ANKFN1: variants seen among roughly 807,000 people sequenced by gnomAD.
The protein encoded by ANKFN1 is ankyrin repeat and fibronectin type-III domain-containing protein 1.
ANKFN1 carries 74 observed loss-of-function variants against 108.7 expected under a neutral mutation model. The ratio of observed to expected loss-of-function variants is 0.68; its 90% CI spans 0.56 to 0.83. The LOEUF is 0.83. ANKFN1 is among the 40% of genes least tolerant of loss of function. ANKFN1 has a pLI of 0.00. For missense variants in ANKFN1, 1,505 were observed against 1,382.3 expected, an observed-to-expected ratio of 1.09 and a Z score of -1.41; for synonymous variants, 547 against 516.2, an observed-to-expected ratio of 1.06 and a Z score of -0.81.
chr17:56,436,442 C>T (rs183950996), intron 8 of ANKFN1, among the ~76,000 whole-genome samples: 7 of 152,268 alleles, frequency 4.6e-5, no homozygotes, highest in East Asian at 1.9e-4. Flanking sequence ...CCGGCTTATA[C>T]GTGATTTTCT....
At chr17:56,378,401 C>T (rs1240851268) in intron 8 of ANKFN1, among the ~76,000 whole-genome samples, 2 of 152,206 alleles carry the variant, frequency 1.3e-5, no homozygotes, top group Admixed American at 6.5e-5. Flanking sequence ...TCACAGAGCA[C>T]AGGTTCCCAT....
intron 4 of ANKFN1, among the ~76,000 whole-genome samples, chr17:56,047,354 G>GGGAAAGGGGA: frequency 6.6e-6 from 1 of 152,250 alleles, no homozygotes. Flanking sequence ...CCAAGAGAGG[G>GGGAAAGGGGA]GGAAAGGGGG....
At chr17:56,315,913 C>T (rs1460976364) in intron 3 of ANKFN1, among the ~76,000 whole-genome samples, 1 of 152,186 alleles carries the variant, frequency 6.6e-6, no homozygotes, top group East Asian at 1.9e-4. Flanking sequence ...AAAGATGAAT[C>T]AGTCAAGGCT....
At chr17:56,274,398 G>A (rs920115020) in intron 3 of ANKFN1, among the ~76,000 whole-genome samples, 7 of 152,102 alleles carry the variant, frequency 4.6e-5, no homozygotes, top group African/African-American at 1.7e-4. Flanking sequence ...GCGTGAACCC[G>A]GGAGGCGGAG....
chr17:56,364,190 C>T (rs2046599736), intron 6 of ANKFN1, among the ~76,000 whole-genome samples: 1 of 151,736 alleles, frequency 6.6e-6, no homozygotes, highest in Admixed American at 6.6e-5. Flanking sequence ...TACTTTGTAT[C>T]CCATAAATAC....
intron 3 of ANKFN1, among the ~76,000 whole-genome samples, chr17:56,322,361 G>A (rs1457465531): frequency 1.3e-5 from 2 of 151,654 alleles, no homozygotes; most frequent in African/African-American, 2.4e-5. Context: ...CATCTTCACG[G>A]GCCTTCACAC....
chr17:56,236,645 G>A lies in ANKFN1; in HGVS notation c.53+8688G>A, dbSNP rs559582159. ...ATCAGGTGGTCTGCAAACAAGGGTAGTTTGACTTCCTCTCCTCCTATTTGG... is the reference window on the plus strand; with the variant it reads ...ATCAGGTGGTCTGCAAACAAGGGTAATTTGACTTCCTCTCCTCCTATTTGG... On this transcript the variant is annotated intron_variant, in intron 3 of 20. Coordinates refer to ENST00000682825, the MANE Select transcript of ANKFN1 (RefSeq NM_001370326.1). Among the ~76,000 whole-genome samples the A allele has an allele frequency of 5.3e-5, 8 of 152,294 alleles. No homozygotes were observed. The South Asian group carries it at 1.5e-3, about 28-fold the overall frequency.
rs1239524503 is a variant in ANKFN1 at position 56,510,679 on chromosome 17, C to T, written c.2851C>T (p.Pro951Ser). The T allele has an allele frequency of 6.5e-7, 1 of 1,536,174 alleles. No homozygotes were observed. The highest frequency in any genetic ancestry group is 2.0e-5 in the Admixed American group (1 of 51,010). Reference sequence around the variant, plus strand: ...GCACGACGTGAAAACCCCTCTGGGGCCGGGCCAGGATCCCCAGGGCGAGGG... The same window carrying T: ...GCACGACGTGAAAACCCCTCTGGGGTCGGGCCAGGATCCCCAGGGCGAGGG... ...QVHDVKTPLG[P>S]GQDPQGEGPN... The change falls in exon 21 of 21, where the codon CCG becomes TCG. Residue 951 changes from proline to serine, a missense_variant. Transcript: ENST00000682825.
rs1406887360 is a variant in ANKFN1 at position 56,513,225 on chromosome 17, G to A, written c.*1956G>A. On this transcript the variant is annotated 3_prime_UTR_variant, in exon 21 of 21. Coordinates refer to ENST00000682825, the MANE Select transcript of ANKFN1 (RefSeq NM_001370326.1). ...TTACCTCTTGATTGTTATCTACAGG[G>A]AATCTCCTATTTTGTAGATCATCTA... 6.6e-6 allele frequency among the ~76,000 whole-genome samples: 1 copy of A among 152,142 alleles called. No homozygotes were observed. Among genetic ancestry groups the A allele is most frequent in the African/African-American group, 2.4e-5 (1 of 41,422 alleles).
upstream of ANKFN1, chr17:56,153,336 T>C (rs1461090697): frequency 1.4e-5 from 10 of 699,706 alleles, no homozygotes; most frequent in Non-Finnish European, 2.5e-5. Context: ...CTCTTGACCC[T>C]GCACTGTAAT....
intron 4 of ANKFN1, among the ~76,000 whole-genome samples, chr17:56,094,351 A>T (rs887984101): frequency 1.3e-5 from 2 of 151,106 alleles, no homozygotes; most frequent in South Asian, 4.2e-4. Context: ...TAAAATTATG[A>T]TTTTCAGCAT....
intron 11 of ANKFN1, among the ~76,000 whole-genome samples, chr17:56,449,533 C>G (rs1397639531): frequency 8.5e-5 from 13 of 152,088 alleles, no homozygotes; most frequent in Admixed American, 6.6e-4. Flanking sequence ...CATTTTGCCT[C>G]CAAGGAAAAT....
intron 8 of ANKFN1, among the ~76,000 whole-genome samples, chr17:56,433,773 A>G (rs1475824673): frequency 6.6e-6 from 1 of 152,156 alleles, no homozygotes; most frequent in Non-Finnish European, 1.5e-5. Flanking sequence ...ACAAATCACC[A>G]CTGAAGAACT....
At chr17:56,049,905 C>G (rs960847349) in intron 4 of ANKFN1, among the ~76,000 whole-genome samples, 9 of 151,762 alleles carry the variant, frequency 5.9e-5, no homozygotes, top group Admixed American at 5.3e-4. Flanking sequence ...GGGTATATAC[C>G]CAGTAATGGG....
At chr17:56,061,259 G>GTTTTCC (rs1904969423) in intron 4 of ANKFN1, among the ~76,000 whole-genome samples, 1 of 60,572 alleles carries the variant, frequency 1.7e-5, no homozygotes, top group Non-Finnish European at 3.4e-5. Flanking sequence ...TCTGATGGTA[G>GTTTTCC]TTTTTCTTTT....
chr17:56,225,738 A>C (rs2143896184), intron 2 of ANKFN1, among the ~76,000 whole-genome samples: 1 of 152,354 alleles, frequency 6.6e-6, no homozygotes, highest in East Asian at 1.9e-4. Flanking sequence ...TGGTCTGAAA[A>C]AGCACACTGC....
intron 8 of ANKFN1, among the ~76,000 whole-genome samples, chr17:56,394,864 A>G (rs1171260707): frequency 1.3e-5 from 2 of 152,294 alleles, no homozygotes; most frequent in East Asian, 1.9e-4. Context: ...TAGTTTGTCA[A>G]TAGTCCGCGA....
chr17:56,368,255 C>G (rs568360715), intron 6 of ANKFN1: 6 of 297,728 alleles, frequency 2.0e-5, no homozygotes, highest in Non-Finnish European at 3.6e-5. Flanking sequence ...TGAAAACAAA[C>G]TTGAATAAAC....
chr17:56,219,827 T>C (rs969800641), intron 2 of ANKFN1, among the ~76,000 whole-genome samples: 2 of 152,218 alleles, frequency 1.3e-5, no homozygotes, highest in African/African-American at 4.8e-5. Context: ...TCTGCTCCAA[T>C]GGCGGCTACT....
Sources: gnomAD v4.1 joint callset for allele counts (sites outside exome capture counted in the v4.1 genomes callset) on GRCh38, gnomAD v4.1.1 for gene constraint, MANE v1.5 for transcripts, NCBI Gene and HGNC (gene_info 2026-07-23, HGNC 2026-07-21) for gene names.